IPO11: variants seen among roughly 807,000 people sequenced by gnomAD.
IPO11 encodes importin 11, also known as importin-11.
IPO11 carries 66 observed loss-of-function variants against 143.2 expected under a neutral mutation model. The ratio of observed to expected loss-of-function variants is 0.46; its 90% confidence interval spans 0.38 to 0.57. The LOEUF is 0.57. Ranked by LOEUF, IPO11 falls within the 20% of genes least tolerant of loss-of-function variation. The pLI is 0.00. For synonymous variants in IPO11, 385 were observed against 377.8 expected (o/e 1.02, Z -0.22); for missense variants, 1,026 against 1,141.0 (o/e 0.90, Z 1.45).
At chr5:62,555,165 A>T (rs1165130338) in intron 26 of IPO11, among the ~76,000 whole-genome samples, 2 of 151,408 alleles carry the variant, frequency 1.3e-5, no homozygotes, top group African/African-American at 4.9e-5. Flanking sequence ...TTTGATAGGG[A>T]TTGCATTGAA....
rs11334760 is a variant in IPO11 at position 62,418,163 on chromosome 5, G to GT, written c.-7+5249dup. Among the ~76,000 whole-genome samples the GT allele has an allele frequency of 9.9e-3, 1,431 of 144,198 alleles. 13 individuals are homozygous for GT. Among genetic ancestry groups the GT allele is most frequent in the African/African-American group, 0.025 (990 of 39,342 alleles). The allele number at this position is 144,198 out of a possible 152,430, so 94.6% of individuals were successfully genotyped here. On this transcript the variant is annotated intron_variant, in intron 1 of 29. Coordinates refer to ENST00000325324, the MANE Select transcript of IPO11 (RefSeq NM_016338.5). ...GCACTACCATGCCCACGCCTGCCTA[G>GT]TTTTTTTTTTTTTTTCTTTGAGAGA...
chr5:62,496,285 C>CAAAAAAAAAAAG (rs1159001982), intron 16 of IPO11, among the ~76,000 whole-genome samples: 2 of 105,230 alleles, frequency 1.9e-5, no homozygotes, highest in Admixed American at 1.1e-4. Flanking sequence ...GACTGTGTCT[C>CAAAAAAAAAAAG]AAAAAAAAAA....
intron 1 of IPO11, among the ~76,000 whole-genome samples, chr5:62,427,780 A>AT (rs1224001569): frequency 6.6e-6 from 1 of 152,106 alleles, no homozygotes; most frequent in East Asian, 1.9e-4. Flanking sequence ...CTGTGGAAAA[A>AT]TTGTCTTCCA....
At chr5:62,571,544 G>T (rs558894214) in intron 27 of IPO11, among the ~76,000 whole-genome samples, 5 of 152,310 alleles carry the variant, frequency 3.3e-5, no homozygotes, top group African/African-American at 1.2e-4. Context: ...TCTTTTGAAA[G>T]AGTTTATGTG....
intron 1 of IPO11, among the ~76,000 whole-genome samples, chr5:62,424,620 G>A (rs1399130271): frequency 6.7e-6 from 1 of 149,900 alleles, no homozygotes; most frequent in African/African-American, 2.5e-5. Context: ...TTTTTGTAGA[G>A]ATGGGGTCTT....
At chr5:62,592,600 A>G (rs1333111990) in intron 28 of IPO11, among the ~76,000 whole-genome samples, 1 of 152,164 alleles carries the variant, frequency 6.6e-6, no homozygotes, top group Non-Finnish European at 1.5e-5. Context: ...GCTATAAAGA[A>G]CTGCCTGAGA....
chr5:62,440,915 A>G (rs1744447792), intron 2 of IPO11, among the ~76,000 whole-genome samples: 1 of 151,732 alleles, frequency 6.6e-6, no homozygotes, highest in African/African-American at 2.4e-5. Flanking sequence ...GTGAGCCAAG[A>G]TCGCGCCACT....
chr5:62,539,171 T>C (rs907208506), intron 24 of IPO11, among the ~76,000 whole-genome samples: 14 of 152,190 alleles, frequency 9.2e-5, no homozygotes, highest in Middle Eastern at 3.2e-3. Context: ...ATAATACTTA[T>C]GTTAATTATA....
chr5:62,473,150 C>T (rs953390515), intron 7 of IPO11, among the ~76,000 whole-genome samples: 4 of 152,198 alleles, frequency 2.6e-5, no homozygotes, highest in Non-Finnish European at 5.9e-5. Flanking sequence ...GAAGATGATG[C>T]AGTAGTGAAG....
At chr5:62,625,976 C>G (rs967900537) in intron 29 of IPO11, among the ~76,000 whole-genome samples, 23 of 152,142 alleles carry the variant, frequency 1.5e-4, no homozygotes, top group Non-Finnish European at 2.9e-5. Flanking sequence ...CCATGTGCCC[C>G]TCACCCAGTT....
At chr5:62,487,548 TTGAAA>T (rs1202670563) in intron 12 of IPO11, among the ~76,000 whole-genome samples, 3 of 152,302 alleles carry the variant, frequency 2.0e-5, no homozygotes, top group Non-Finnish European at 4.4e-5. Flanking sequence ...TGACAAATAA[TTGAAA>T]TGAAATCAAC....
chr5:62,601,212 A>G (rs1162473353), intron 28 of IPO11: 2 of 152,260 alleles, frequency 1.3e-5, no homozygotes, highest in African/African-American at 2.4e-5. Flanking sequence ...ACCTCTGCTA[A>G]TAGTAAAGAG....
At chr5:62,485,850 T>TAACAA (rs1746379339) in intron 12 of IPO11, among the ~76,000 whole-genome samples, 1 of 126,578 alleles carries the variant, frequency 7.9e-6, no homozygotes, top group Non-Finnish European at 1.7e-5. Context: ...ACCCGTCTCT[T>TAACAA]AAAAAAAAAA....
intron 5 of IPO11, among the ~76,000 whole-genome samples, chr5:62,464,827 A>C (rs1298177001): frequency 4.6e-5 from 7 of 152,234 alleles, no homozygotes. Context: ...GACACAAAAA[A>C]TTTCAATATA....
chr5:62,520,156 C>T (rs1367257896), intron 20 of IPO11, among the ~76,000 whole-genome samples: 3 of 152,180 alleles, frequency 2.0e-5, no homozygotes, highest in Non-Finnish European at 4.4e-5. Context: ...ACTTTAATTA[C>T]ATCTGTAAAT....
chr5:62,521,074 A>G (rs539184067), intron 20 of IPO11, among the ~76,000 whole-genome samples: 8 of 152,314 alleles, frequency 5.3e-5, no homozygotes, highest in Non-Finnish European at 1.2e-4. Context: ...GAGATATGAC[A>G]GATTCTTATG....
At position 62,616,739 on chromosome 5, in the gene IPO11, A is replaced by G. The variant is rs1368991311; in HGVS notation, c.2764-10415A>G. On this transcript the variant is annotated intron_variant, in intron 29 of 29. Coordinates refer to ENST00000325324, the MANE Select transcript of IPO11 (RefSeq NM_016338.5). ...TGACTCAAAAAAAAAAAAAAAAAAA[A>G]AAAAAATCAGTGAGAGAACAGGATC... 2.0e-5 allele frequency among the ~76,000 whole-genome samples: 3 copies of G among 150,610 alleles called. No homozygotes were observed. In the East Asian group the frequency reaches 5.8e-4, roughly 29 times the overall value.
intron 1 of IPO11, among the ~76,000 whole-genome samples, chr5:62,423,393 A>G (rs571235918): frequency 2.0e-5 from 3 of 152,244 alleles, no homozygotes; most frequent in African/African-American, 7.2e-5. Flanking sequence ...TAAACAGTTC[A>G]TGATTTGGAG....
At chr5:62,495,588 C>T (rs1741104431) in intron 16 of IPO11, among the ~76,000 whole-genome samples, 1 of 152,132 alleles carries the variant, frequency 6.6e-6, no homozygotes, top group Non-Finnish European at 1.5e-5. Flanking sequence ...GATCCTCCCA[C>T]CTCAGCCTCC....
Sources: allele counts gnomAD v4.1 joint callset (sites outside exome capture counted in the v4.1 genomes callset), GRCh38; gene constraint gnomAD v4.1.1; transcripts MANE v1.5; gene names NCBI Gene and HGNC (gene_info 2026-07-23, HGNC 2026-07-21).